Variants in ZFP64 observed in about 807,000 individuals in gnomAD.
The protein encoded by ZFP64 is ZFP64 zinc finger protein, also known as zinc finger protein 64.
In ZFP64, 14 loss-of-function variants were observed where a neutral mutation model predicts 51.6. The ratio of observed to expected loss-of-function variants is 0.27; its 90% CI spans 0.18 to 0.42. The LOEUF is 0.42. ZFP64 is among the 10% of genes least tolerant of loss of function. The probability of loss-of-function intolerance (pLI) is 1.00; values close to 1 mark genes in which losing one functional copy is unlikely to be tolerated. For missense variants in ZFP64, 754 were observed against 906.8 expected (o/e 0.83, Z 2.16); for synonymous variants, 375 against 361.4 (o/e 1.04, Z -0.43).
chr20:52,084,402 T>G (rs994677606), exon 9 of ZFP64: 93 of 694,728 alleles, frequency 1.3e-4, no homozygotes, highest in Admixed American at 3.5e-4. Flanking sequence ...CTTTCGTCAC[T>G]GTCGCCCAGC....
intron 5 of ZFP64, among the ~76,000 whole-genome samples, chr20:52,145,628 T>C (rs1459891135): frequency 1.3e-5 from 2 of 152,248 alleles, no homozygotes; most frequent in Admixed American, 6.5e-5. Context: ...GATAGAGTAA[T>C]ACCCTTTCTC....
intron 5 of ZFP64, among the ~76,000 whole-genome samples, chr20:52,155,072 CTAAT>C (rs1380623056): frequency 1.3e-5 from 2 of 152,010 alleles, no homozygotes; most frequent in Non-Finnish European, 2.9e-5. Context: ...ATAAAAGAAA[CTAAT>C]TATATTAAAA....
chr20:52,175,869 C>CGG, intron 2 of ZFP64: 4 of 788,696 alleles, frequency 5.1e-6, no homozygotes, highest in Non-Finnish European at 6.1e-6. Flanking sequence ...CTGCCGCCCC[C>CGG]GCCCCCAAAA....
intron 5 of ZFP64, among the ~76,000 whole-genome samples, chr20:52,099,792 G>A (rs1355956264): frequency 6.6e-6 from 1 of 152,212 alleles, no homozygotes; most frequent in Non-Finnish European, 1.5e-5. Context: ...ATCAATGGAT[G>A]AGAATTCACT....
chr20:52,169,811 T>C (rs1428405159), intron 2 of ZFP64, among the ~76,000 whole-genome samples: 1 of 152,246 alleles, frequency 6.6e-6, no homozygotes, highest in Non-Finnish European at 1.5e-5. Context: ...ACCAGCACTT[T>C]GGGAGCCCGA....
chr20:52,119,786 A>T (rs899246435), intron 5 of ZFP64, among the ~76,000 whole-genome samples: 1 of 151,794 alleles, frequency 6.6e-6, no homozygotes, highest in African/African-American at 2.4e-5. Flanking sequence ...CACTACAAAG[A>T]CCAGGAGGCA....
At chr20:52,183,991 T>C (rs1003821890) in intron 2 of ZFP64, among the ~76,000 whole-genome samples, 1 of 152,136 alleles carries the variant, frequency 6.6e-6, no homozygotes, top group African/African-American at 2.4e-5. Context: ...GCACGGACTA[T>C]AGGCGAGTGA....
intron 5 of ZFP64, among the ~76,000 whole-genome samples, chr20:52,146,023 A>G (rs1030983815): frequency 3.3e-5 from 5 of 152,164 alleles, no homozygotes; most frequent in Admixed American, 2.6e-4. Context: ...CTTTCTTTAT[A>G]TCCTTATTCT....
At chr20:52,166,458 C>CT (rs1050995200) in intron 2 of ZFP64, among the ~76,000 whole-genome samples, 92 of 145,436 alleles carry the variant, frequency 6.3e-4, no homozygotes, top group East Asian at 2.0e-3. Context: ...ATACTTTTTT[C>CT]TTTTTTTTTT....
At chr20:52,128,799 G>A (rs1458613027) in intron 5 of ZFP64, among the ~76,000 whole-genome samples, 1 of 152,174 alleles carries the variant, frequency 6.6e-6, no homozygotes, top group Non-Finnish European at 1.5e-5. Flanking sequence ...CCCCAGCTTG[G>A]ATGATAAACT....
At chr20:52,147,998 A>G (rs1027718210), downstream of ZFP64, among the ~76,000 whole-genome samples, 17 of 152,176 alleles carry the variant, frequency 1.1e-4, no homozygotes, top group Admixed American at 1.1e-3. Flanking sequence ...TAATATTTTC[A>G]TAGTTGTGCT....
intron 2 of ZFP64, among the ~76,000 whole-genome samples, chr20:52,167,122 C>T (rs1042260569): frequency 4.0e-5 from 6 of 151,768 alleles, no homozygotes; most frequent in Admixed American, 3.3e-4. Context: ...GTCAGGAGTT[C>T]GAGACTAGCC....
intron 5 of ZFP64, among the ~76,000 whole-genome samples, chr20:52,136,115 A>T (rs1224761971): frequency 6.7e-6 from 1 of 150,332 alleles, no homozygotes; most frequent in East Asian, 1.9e-4. Context: ...AAAAAAAAAA[A>T]AAAAAGAAAA....
chr20:52,105,020 G>GA, intron 5 of ZFP64: 1 of 1,263,040 alleles, frequency 7.9e-7, no homozygotes, highest in African/African-American at 1.5e-5. Flanking sequence ...TGCGCCGGAC[G>GA]CTTCGCCCGC....
chr20:52,094,433 G>A (rs781456150), intron 7 of ZFP64, among the ~76,000 whole-genome samples: 52 of 152,156 alleles, frequency 3.4e-4, no homozygotes, highest in Non-Finnish European at 5.7e-4. Context: ...CCTTTACGAA[G>A]CTAAATAAAT....
chr20:52,098,766 G>A (rs2079019526), intron 5 of ZFP64, among the ~76,000 whole-genome samples: 1 of 152,102 alleles, frequency 6.6e-6, no homozygotes, highest in South Asian at 2.1e-4. Flanking sequence ...CACTTTGGGA[G>A]GCTGAGGTTG....
intron 5 of ZFP64, among the ~76,000 whole-genome samples, chr20:52,112,082 C>CAAAAAAA (rs375422075): frequency 7.7e-5 from 6 of 78,364 alleles, no homozygotes; most frequent in South Asian, 5.2e-4. Flanking sequence ...ACTCTATCTC[C>CAAAAAAA]AAAAAAAAAA....
chr20:52,085,313 A>G lies in ZFP64; in HGVS notation c.1229-47T>C. 1 of 1,527,844 alleles carries G rather than the reference A, an allele frequency of 6.5e-7. No individual in the cohort carries two copies. The highest frequency in any genetic ancestry group is 8.8e-7 in the Non-Finnish European group (1 of 1,132,868). 94.6% of individuals were successfully genotyped at this position (1,527,844 alleles called of 1,614,324 possible). On this transcript the variant is annotated intron_variant, in intron 8 of 8. Transcript: ENST00000361387. The surrounding 1 kb of genome is among the most constrained non-coding windows in gnomAD (Gnocchi z 4.3). ...CCATTAGAACAGGCAGGCAAAACAG[A>G]CCCTCCCACCCCAACCTGCCTTAGC...
In ZFP64 at chr20:52,151,830, T is replaced by A; in HGVS notation, c.*316A>T. 9.5e-7 allele frequency: 1 copy of A among 1,049,342 alleles called. No individual in the cohort carries two copies. The highest frequency in any genetic ancestry group is 2.6e-5 in the South Asian group (1 of 37,832). 65.0% of individuals were successfully genotyped at this position (1,049,342 alleles called of 1,614,324 possible). A position where few individuals can be genotyped will look rare whatever the true frequency, so the allele number is the denominator to read the frequency against. On this transcript the variant is annotated 3_prime_UTR_variant, in exon 6 of 6. Coordinates refer to ENST00000216923, the MANE Select transcript of ZFP64 (RefSeq NM_018197.3). Reference sequence around the variant, plus strand: ...ACTTTGGGAGGCTGAGGTGGGCAGATCACTTGAGGTCAGGAGTTCAACATG... The same window carrying A: ...ACTTTGGGAGGCTGAGGTGGGCAGAACACTTGAGGTCAGGAGTTCAACATG...
Sources: gnomAD v4.1 joint callset for allele counts (sites outside exome capture counted in the v4.1 genomes callset) on GRCh38, gnomAD v4.1.1 for gene constraint, Gnocchi (gnomAD v3.1) non-coding constraint, MANE v1.5 for transcripts, NCBI Gene and HGNC (gene_info 2026-07-23, HGNC 2026-07-21) for gene names.